The following CDC42SE2 variants were observed in gnomAD, a reference collection of about 807,000 sequenced individuals.
The protein encoded by CDC42SE2 is CDC42 small effector protein 2.
In CDC42SE2, 3 loss-of-function variants were observed where a neutral mutation model predicts 11.5. The ratio of observed to expected loss-of-function variants is 0.26; its 90% CI spans 0.12 to 0.67. The LOEUF is 0.67. Among genes scored for constraint, CDC42SE2 ranks in the 30% least tolerant of loss-of-function variants. The pLI is 0.80. For synonymous variants in CDC42SE2, 33 were observed against 34.8 expected (o/e 0.95, Z 0.18); for missense variants, 82 against 106.8 (o/e 0.77, Z 1.02).
chr5:131,307,445 T>C (rs1757803411), intron 1 of CDC42SE2, among the ~76,000 whole-genome samples: 1 of 152,096 alleles, frequency 6.6e-6, no homozygotes, highest in Non-Finnish European at 1.5e-5. Context: ...ATGTGCCACA[T>C]TTTCTTAATC....
upstream of CDC42SE2, among the ~76,000 whole-genome samples, chr5:131,241,113 G>A (rs1417973392): frequency 6.6e-6 from 1 of 152,118 alleles, no homozygotes; most frequent in East Asian, 1.9e-4. Flanking sequence ...TGAGTAGCTG[G>A]GACTACAGGC....
At chr5:131,223,790 C>T in the CDC42SE2 span, among the ~76,000 whole-genome samples, 4 of 152,150 alleles carry the variant, frequency 2.6e-5, no homozygotes, top group Non-Finnish European at 4.4e-5. Flanking sequence ...TCTTAATAGC[C>T]ATCTGTAAAT....
At chr5:131,361,905 CGTCT>C (rs1177204658) in intron 3 of CDC42SE2, among the ~76,000 whole-genome samples, 1 of 152,084 alleles carries the variant, frequency 6.6e-6, no homozygotes, top group Non-Finnish European at 1.5e-5. Flanking sequence ...GTCTTTTCAC[CGTCT>C]AACCGCTTGT....
At chr5:131,332,196 CTATGA>C (rs1758433820) in intron 2 of CDC42SE2, among the ~76,000 whole-genome samples, 1 of 152,118 alleles carries the variant, frequency 6.6e-6, no homozygotes, top group Non-Finnish European at 1.5e-5. Flanking sequence ...CAATTCCCAC[CTATGA>C]GTGAGAACAT....
chr5:131,261,027 T>C (rs979767749), upstream of CDC42SE2, among the ~76,000 whole-genome samples: 1 of 152,280 alleles, frequency 6.6e-6, no homozygotes, highest in Non-Finnish European at 1.5e-5. Context: ...AAGTAAAAGA[T>C]TGCAGAATCA....
intron 1 of CDC42SE2, among the ~76,000 whole-genome samples, chr5:131,282,280 A>G (rs1056321430): frequency 2.0e-5 from 3 of 152,232 alleles, no homozygotes; most frequent in Non-Finnish European, 4.4e-5. Flanking sequence ...AGTCACTTTT[A>G]AAGGCTAAGA....
intron 3 of CDC42SE2, among the ~76,000 whole-genome samples, chr5:131,370,301 T>C (rs942061582): frequency 6.6e-6 from 1 of 152,148 alleles, no homozygotes; most frequent in African/African-American, 2.4e-5. Flanking sequence ...AAGAAACTTA[T>C]GGTTAAATAA....
chr5:131,258,630 T>C (rs1172371795), intron 2 of CDC42SE2, among the ~76,000 whole-genome samples: 1 of 152,102 alleles, frequency 6.6e-6, no homozygotes, highest in Non-Finnish European at 1.5e-5. Flanking sequence ...CCACTTCCCA[T>C]CCCCAGTGAA....
rs1750641510 is a variant in CDC42SE2, at chr5:131,391,187, A to G, written c.*96A>G. On this transcript the variant is annotated 3_prime_UTR_variant, in exon 5 of 5. Coordinates refer to ENST00000505065, the MANE Select transcript of CDC42SE2 (RefSeq NM_001375635.1). Reference sequence around the variant, plus strand: ...TAATAGTAAATATATGTATATATATATAATTTTTTAATGGTGAACTTATTG... The same window carrying G: ...TAATAGTAAATATATGTATATATATGTAATTTTTTAATGGTGAACTTATTG... 4.3e-6 allele frequency: 2 copies of G among 468,076 alleles called. No homozygotes were observed. The highest frequency in any genetic ancestry group is 6.7e-6 in the Non-Finnish European group (2 of 297,484). 29.0% of individuals were successfully genotyped at this position (468,076 alleles called of 1,614,324 possible).
chr5:131,368,634 A>C (rs952930318), intron 3 of CDC42SE2, among the ~76,000 whole-genome samples: 8 of 152,182 alleles, frequency 5.3e-5, no homozygotes, highest in African/African-American at 1.9e-4. Context: ...TTTCCATAAA[A>C]GCTTTTTAAA....
intron 1 of CDC42SE2, among the ~76,000 whole-genome samples, chr5:131,309,354 TTTA>T (rs1464522911): frequency 5.3e-5 from 8 of 152,074 alleles, no homozygotes; most frequent in African/African-American, 1.9e-4. Context: ...TTGCCAGTAT[TTTA>T]TTGAGGATTT....
chr5:131,390,171 T>C (rs1216645387), intron 4 of CDC42SE2, among the ~76,000 whole-genome samples: 2 of 152,188 alleles, frequency 1.3e-5, no homozygotes, highest in Non-Finnish European at 2.9e-5. Flanking sequence ...ACAATATTAA[T>C]AAATAAACTG....
chr5:131,306,311 G>T (rs868118611), intron 1 of CDC42SE2, among the ~76,000 whole-genome samples: 1 of 152,088 alleles, frequency 6.6e-6, no homozygotes, highest in African/African-American at 2.4e-5. Context: ...GTCTTGGAAC[G>T]TATCCCTCAC....
intron 1 of CDC42SE2, among the ~76,000 whole-genome samples, chr5:131,286,651 C>T (rs1336577121): frequency 6.6e-6 from 1 of 151,888 alleles, no homozygotes; most frequent in Non-Finnish European, 1.5e-5. Flanking sequence ...CCTCCTTTTC[C>T]TCCTTCTCTT....
chr5:131,337,426 T>A (rs969292939), intron 2 of CDC42SE2, among the ~76,000 whole-genome samples: 11 of 152,206 alleles, frequency 7.2e-5, no homozygotes, highest in Non-Finnish European at 1.3e-4. Flanking sequence ...AGGGACCTAC[T>A]TGAGGAGGCA....
At chr5:131,290,461 CT>C (rs1033772526) in intron 1 of CDC42SE2, among the ~76,000 whole-genome samples, 5 of 140,754 alleles carry the variant, frequency 3.6e-5, no homozygotes, top group African/African-American at 7.9e-5. Context: ...CTGGCTGCTT[CT>C]TTTTTCTTTC....
chr5:131,264,726 C>T (rs1265364113), intron 1 of CDC42SE2, among the ~76,000 whole-genome samples: 1 of 152,198 alleles, frequency 6.6e-6, no homozygotes, highest in African/African-American at 2.4e-5. Context: ...AGCTGAGCTA[C>T]TCTTACAGGT....
chr5:131,367,593 G>A (rs1462178127), intron 3 of CDC42SE2, among the ~76,000 whole-genome samples: 1 of 152,168 alleles, frequency 6.6e-6, no homozygotes, highest in East Asian at 1.9e-4. Flanking sequence ...GAGGTTAAGC[G>A]AAGCACTTCT....
intron 1 of CDC42SE2, chr5:131,253,152 G>A (rs1756654518): frequency 6.6e-6 from 1 of 152,110 alleles, no homozygotes; most frequent in Admixed American, 6.6e-5. Flanking sequence ...TGAGAGCAAG[G>A]TCAAGATAAA....
Sources: gnomAD v4.1 joint callset for allele counts (sites outside exome capture counted in the v4.1 genomes callset) on GRCh38, gnomAD v4.1.1 for gene constraint, MANE v1.5 for transcripts, NCBI Gene and HGNC (gene_info 2026-07-23, HGNC 2026-07-21) for gene names.